PACRG: variants seen among roughly 807,000 people sequenced by gnomAD.
The protein encoded by PACRG is parkin coregulated.
PACRG carries 29 observed loss-of-function variants against 29.7 expected under a neutral mutation model. The observed-to-expected ratio is 0.98, with a 90% confidence interval of 0.73 to 1.33. The LOEUF (loss-of-function observed/expected upper bound fraction) is 1.33, where lower values mean the gene tolerates loss of function less well. Ranked by LOEUF, PACRG falls within the 40% of genes most tolerant of loss-of-function variation. PACRG has a pLI of 0.00. For synonymous variants in PACRG, 116 were observed against 118.7 expected (o/e 0.98, Z 0.15); for missense variants, 279 against 316.2 (o/e 0.88, Z 0.89).
intron 1 of PACRG, among the ~76,000 whole-genome samples, chr6:162,741,891 T>C (rs1780628113): frequency 6.6e-6 from 1 of 152,336 alleles, no homozygotes; most frequent in Admixed American, 6.5e-5. Context: ...TTTTTTTACA[T>C]ACTCATAATT....
chr6:162,962,571 GA>G (rs1800717327), intron 2 of PACRG, among the ~76,000 whole-genome samples: 2 of 111,216 alleles, frequency 1.8e-5, no homozygotes, highest in Admixed American at 1.8e-4. Context: ...CTTATGGGAA[GA>G]AGAAGAGAGA....
At chr6:162,852,842 A>G (rs988034517) in intron 2 of PACRG, among the ~76,000 whole-genome samples, 1 of 152,208 alleles carries the variant, frequency 6.6e-6, no homozygotes, top group African/African-American at 2.4e-5. Flanking sequence ...TCATTAATCA[A>G]TAATTCTTTT....
At chr6:163,285,579 C>T (rs553823725) in intron 4 of PACRG, among the ~76,000 whole-genome samples, 1 of 152,248 alleles carries the variant, frequency 6.6e-6, no homozygotes, top group South Asian at 2.1e-4. Context: ...CAAAGGGCCC[C>T]GGAGATATTT....
At chr6:163,108,623 A>G (rs1240009745) in intron 4 of PACRG, among the ~76,000 whole-genome samples, 2 of 151,790 alleles carry the variant, frequency 1.3e-5, no homozygotes, top group African/African-American at 4.8e-5. Flanking sequence ...TCCTGGCCTC[A>G]AGTGATCCAC....
intron 2 of PACRG, among the ~76,000 whole-genome samples, chr6:162,897,105 T>C (rs1795228476): frequency 6.6e-6 from 1 of 152,196 alleles, no homozygotes. Flanking sequence ...CAAAGAGAGT[T>C]TAAGATTAGT....
intron 2 of PACRG, among the ~76,000 whole-genome samples, chr6:162,862,325 G>A (rs897939146): frequency 1.3e-5 from 2 of 152,204 alleles, no homozygotes; most frequent in Non-Finnish European, 1.5e-5. Context: ...GGAAGTGAGA[G>A]GGAAGTGCTG....
chr6:163,288,080 A>G (rs1386935139), intron 4 of PACRG, among the ~76,000 whole-genome samples: 1 of 152,248 alleles, frequency 6.6e-6, no homozygotes, highest in Non-Finnish European at 1.5e-5. Flanking sequence ...GTTTTTCAAA[A>G]AAGACATTTA....
intron 1 of PACRG, among the ~76,000 whole-genome samples, chr6:162,789,965 C>T (rs1362115272): frequency 1.3e-5 from 2 of 152,142 alleles, no homozygotes; most frequent in Non-Finnish European, 2.9e-5. Context: ...CATAAAATCA[C>T]ATTTAGCACT....
chr6:162,777,703 A>G lies in PACRG; in HGVS notation c.157-36444A>G, dbSNP rs1201073023. 2.0e-5 allele frequency among the ~76,000 whole-genome samples: 3 copies of G among 152,086 alleles called. No homozygotes were observed. The highest frequency in any genetic ancestry group is 2.1e-4 in the South Asian group (1 of 4,822). ...TTTATTTTATACTTTTACTGTAGAG[A>G]TGCATTTAAAGTTTAATATTAACAT... On this transcript the variant is annotated intron_variant, in intron 1 of 4. Transcript: ENST00000366888. This position sits in a 1 kb window ranked among gnomAD's most constrained non-coding sequence, Gnocchi z 4.0.
intron 4 of PACRG, among the ~76,000 whole-genome samples, chr6:163,215,208 T>C (rs1463384406): frequency 3.3e-5 from 5 of 152,180 alleles, no homozygotes; most frequent in Admixed American, 3.3e-4. Flanking sequence ...TTTAGAACTA[T>C]TCTATCATCT....
At chr6:163,181,858 C>T (rs969519972) in intron 4 of PACRG, among the ~76,000 whole-genome samples, 8 of 152,154 alleles carry the variant, frequency 5.3e-5, no homozygotes, top group Non-Finnish European at 8.8e-5. Context: ...CCGGGAGGCG[C>T]GCTCTGTCAA....
chr6:163,161,295 G>A (rs1393087659), intron 4 of PACRG, among the ~76,000 whole-genome samples: 1 of 151,988 alleles, frequency 6.6e-6, no homozygotes, highest in Non-Finnish European at 1.5e-5. Flanking sequence ...AGATGTGCCT[G>A]CCATATTTGC....
chr6:162,955,392 C>T (rs982355545), intron 2 of PACRG, among the ~76,000 whole-genome samples: 21 of 152,172 alleles, frequency 1.4e-4, no homozygotes, highest in Admixed American at 4.6e-4. Context: ...CTCTGCCTCC[C>T]GGGTTCAAGC....
chr6:162,748,169 G>A (rs1471063327), intron 1 of PACRG, among the ~76,000 whole-genome samples: 4 of 151,872 alleles, frequency 2.6e-5, no homozygotes, highest in Admixed American at 1.3e-4. Flanking sequence ...CTGCTGAAAC[G>A]TATTAAAATA....
intron 1 of PACRG, among the ~76,000 whole-genome samples, chr6:162,784,745 G>A (rs1467339723): frequency 6.6e-6 from 1 of 152,118 alleles, no homozygotes; most frequent in Non-Finnish European, 1.5e-5. Flanking sequence ...CAATTCGGAA[G>A]GCAGACTCAG....
upstream of PACRG, chr6:162,727,283 A>AGGGGCGGAGGTGAGGGGCGGCGGC (rs1779281510): frequency 6.8e-5 from 18 of 266,090 alleles, no homozygotes; most frequent in East Asian, 2.0e-3. Context: ...CAGTGAGGTG[A>AGGGGCGGAGGTGAGGGGCGGCGGC]GGGGCGAAGG....
At chr6:162,793,083 T>C (rs1407949722) in intron 1 of PACRG, among the ~76,000 whole-genome samples, 1 of 152,282 alleles carries the variant, frequency 6.6e-6, no homozygotes, top group East Asian at 1.9e-4. Context: ...GAGAGCTCCC[T>C]TAAGACACTT....
At chr6:162,774,656 C>T (rs771384144) in intron 1 of PACRG, among the ~76,000 whole-genome samples, 1 of 152,150 alleles carries the variant, frequency 6.6e-6, no homozygotes, top group Non-Finnish European at 1.5e-5. Flanking sequence ...GTTTCATTGT[C>T]TCCATCTCTA....
intron 2 of PACRG, among the ~76,000 whole-genome samples, chr6:162,842,387 A>C (rs1432034379): frequency 1.3e-5 from 2 of 148,830 alleles, no homozygotes; most frequent in African/African-American, 2.5e-5. Flanking sequence ...TGTTGGTTTA[A>C]AGTCTGTTTT....
Sources: allele counts gnomAD v4.1 joint callset (sites outside exome capture counted in the v4.1 genomes callset), GRCh38; gene constraint gnomAD v4.1.1; non-coding constraint Gnocchi (gnomAD v3.1); transcripts MANE v1.5; gene names NCBI Gene and HGNC (gene_info 2026-07-23, HGNC 2026-07-21).